SPRYD7: variants seen among roughly 807,000 people sequenced by gnomAD.
SPRYD7 encodes SPRY domain-containing protein 7.
SPRYD7 carries 14 observed loss-of-function variants against 23.8 expected under a neutral mutation model. The ratio of observed to expected loss-of-function variants is 0.59; its 90% confidence interval spans 0.39 to 0.92. SPRYD7 has a LOEUF of 0.92. SPRYD7 is among the 40% of genes least tolerant of loss of function. The pLI, the probability that SPRYD7 is intolerant of heterozygous loss-of-function variation, is 0.00. For missense variants in SPRYD7, 194 were observed against 241.7 expected (o/e 0.80, Z 1.31); for synonymous variants, 75 against 84.9 (o/e 0.88, Z 0.64).
At chr13:49,935,821 G>A in intron 1 of SPRYD7, 1 of 242,066 alleles carries the variant, frequency 4.1e-6, no homozygotes, top group Non-Finnish European at 7.9e-6. Context: ...CGCCAGAAGG[G>A]CACTCTCCGC....
At chr13:49,926,897 T>C (rs1238134577) in intron 3 of SPRYD7, among the ~76,000 whole-genome samples, 1 of 151,836 alleles carries the variant, frequency 6.6e-6, no homozygotes, top group East Asian at 1.9e-4. Context: ...TAGGGAGGGG[T>C]TTTGGATAAT....
At chr13:49,933,615 AG>A (rs1871483425) in intron 1 of SPRYD7, among the ~76,000 whole-genome samples, 3 of 151,276 alleles carry the variant, frequency 2.0e-5, no homozygotes, top group East Asian at 1.9e-4. Flanking sequence ...AAAAAAAAAA[AG>A]AAAAAAAAAG....
In SPRYD7 at chr13:49,927,903, C is replaced by T. The variant is rs1566406024; in HGVS notation, c.390+16G>A. The T allele has an allele frequency of 1.2e-6, 2 of 1,613,674 alleles. No homozygotes were observed. The highest frequency in any genetic ancestry group is 2.2e-5 in the East Asian group (1 of 44,876). ...TAGTCATTTACAGTGGAAAGCAACT[C>T]CATGAGGGAACTCACCACCACATCT... On this transcript the variant is annotated intron_variant, in intron 3 of 4. Transcript: ENST00000361840.
intron 3 of SPRYD7, among the ~76,000 whole-genome samples, chr13:49,925,813 A>G (rs1955876672): frequency 6.6e-6 from 1 of 151,810 alleles, no homozygotes; most frequent in Non-Finnish European, 1.5e-5. Context: ...GGCCATCTGA[A>G]AACAAAAAAA....
At chr13:49,921,644 G>T in intron 3 of SPRYD7, 64 bp from the exon 4 acceptor site, 1 of 1,007,888 alleles carries the variant, frequency 9.9e-7, no homozygotes, top group South Asian at 1.3e-5. Flanking sequence ...TGACTGGGAA[G>T]TATGGAAACA....
intron 4 of SPRYD7, among the ~76,000 whole-genome samples, chr13:49,919,007 C>A (rs1015535035): frequency 3.9e-5 from 6 of 151,900 alleles, no homozygotes; most frequent in Non-Finnish European, 2.9e-5. Flanking sequence ...TGAGCCACCA[C>A]GCCAGTCCTA....
chr13:49,935,369 T>C (rs1871577703), intron 1 of SPRYD7, among the ~76,000 whole-genome samples: 1 of 152,210 alleles, frequency 6.6e-6, no homozygotes, highest in East Asian at 1.9e-4. Flanking sequence ...AGCATGAAAC[T>C]ACCTGGGAAA....
chr13:49,928,291 A>G (rs1251687954), intron 2 of SPRYD7, among the ~76,000 whole-genome samples: 4 of 152,082 alleles, frequency 2.6e-5, no homozygotes, highest in Non-Finnish European at 4.4e-5. Flanking sequence ...AAAATACAAA[A>G]ATTAGTTGGG....
chr13:49,932,998 C>A (rs1156258562), intron 1 of SPRYD7, among the ~76,000 whole-genome samples: 2 of 152,134 alleles, frequency 1.3e-5, no homozygotes, highest in Non-Finnish European at 2.9e-5. Flanking sequence ...ATGGCAAAGA[C>A]CATGCAGTGC....
In SPRYD7 at chr13:49,936,315, C is replaced by G; in HGVS notation, c.-80G>C. The G allele has an allele frequency of 9.5e-7, 1 of 1,054,156 alleles. No homozygotes were observed. The highest frequency in any genetic ancestry group is 1.4e-6 in the Non-Finnish European group (1 of 738,500). The allele number at this position is 1,054,156 out of a possible 1,614,324, so 65.3% of individuals were successfully genotyped here. On this transcript the variant is annotated 5_prime_UTR_variant, in exon 1 of 5. Coordinates refer to ENST00000361840, the MANE Select transcript of SPRYD7 (RefSeq NM_020456.4). ...CCGCCGCTCAGCTCCGTCTCCTGCC[C>G]CCGCCCGAGGTCCGGACTTGTCTAT...
chr13:49,927,872 C>G (rs1365250373), intron 3 of SPRYD7, 47 bp downstream of exon 3: 2 of 1,598,184 alleles, frequency 1.3e-6, no homozygotes, highest in Non-Finnish European at 1.7e-6. Flanking sequence ...AAAAGCAGTT[C>G]AAATTTAGTC....
intron 3 of SPRYD7, among the ~76,000 whole-genome samples, chr13:49,927,353 A>G (rs1332532887): frequency 6.6e-6 from 1 of 152,074 alleles, no homozygotes; most frequent in African/African-American, 2.4e-5. Flanking sequence ...AAAATCAGCC[A>G]GGCCTGGTGG....
chr13:49,912,723 A>G lies in SPRYD7; in HGVS notation c.*2340T>C, dbSNP rs564151770. ...ATCATAACGATAGCAAACAGTAGTCACTTTAATTTGCTTTCCCAAGTAAGC... is the reference window on the plus strand; with the variant it reads ...ATCATAACGATAGCAAACAGTAGTCGCTTTAATTTGCTTTCCCAAGTAAGC... On this transcript the variant is annotated 3_prime_UTR_variant, in exon 5 of 5. Coordinates refer to ENST00000361840, the MANE Select transcript of SPRYD7 (RefSeq NM_020456.4). 1 of 152,338 alleles carries G rather than the reference A, an allele frequency of 6.6e-6. No individual in the cohort carries two copies. The highest frequency in any genetic ancestry group is 2.4e-5 in the African/African-American group (1 of 41,584). 9.4% of individuals were successfully genotyped at this position (152,338 alleles called of 1,614,324 possible). A position where few individuals can be genotyped will look rare whatever the true frequency, so the allele number is the denominator to read the frequency against.
intron 3 of SPRYD7, among the ~76,000 whole-genome samples, chr13:49,923,674 A>G (rs1398597294): frequency 1.3e-5 from 2 of 151,374 alleles, no homozygotes; most frequent in African/African-American, 4.9e-5. Context: ...TTTTTTTGAG[A>G]CTGGGTCTCA....
chr13:49,933,001 T>C (rs1871449678), intron 1 of SPRYD7, among the ~76,000 whole-genome samples: 3 of 152,192 alleles, frequency 2.0e-5, no homozygotes, highest in Admixed American at 1.3e-4. Flanking sequence ...GCAAAGACCA[T>C]GCAGTGCTTG....
intron 4 of SPRYD7, 33 bp downstream of exon 4, chr13:49,921,445 A>G (rs771006871): frequency 5.9e-5 from 77 of 1,305,422 alleles, no homozygotes; most frequent in Admixed American, 5.7e-4. Context: ...GTTAATATGT[A>G]TGTAATAATA....
At chr13:49,917,372 G>C (rs900580786) in intron 4 of SPRYD7, among the ~76,000 whole-genome samples, 2 of 152,156 alleles carry the variant, frequency 1.3e-5, no homozygotes, top group African/African-American at 4.8e-5. Context: ...CAAAGTGCTG[G>C]GATTACAGGC....
intron 4 of SPRYD7, among the ~76,000 whole-genome samples, chr13:49,920,530 A>G (rs1955806034): frequency 6.6e-6 from 1 of 152,210 alleles, no homozygotes. Flanking sequence ...CTACATGTTG[A>G]AAAAGGGAGT....
chr13:49,929,170 C>T (rs1038818683), intron 2 of SPRYD7, among the ~76,000 whole-genome samples: 4 of 152,146 alleles, frequency 2.6e-5, no homozygotes, highest in Admixed American at 2.6e-4. Context: ...TAGAGCTAGG[C>T]ACGGTGGCTT....
Sources: allele counts gnomAD v4.1 joint callset (sites outside exome capture counted in the v4.1 genomes callset), GRCh38; gene constraint gnomAD v4.1.1; transcripts MANE v1.5; gene names NCBI Gene and HGNC (gene_info 2026-07-23, HGNC 2026-07-21).